RELL2: variants seen among roughly 807,000 people sequenced by gnomAD.
RELL2 encodes the protein RELT-like protein 2.
RELL2 carries 18 observed loss-of-function variants against 27.5 expected under a neutral mutation model. The ratio of observed to expected loss-of-function variants is 0.65; its 90% confidence interval spans 0.45 to 0.97. The LOEUF is 0.97. RELL2 is among the 50% of genes least tolerant of loss of function. The pLI is 0.00. For missense variants in RELL2, 370 were observed against 397.5 expected (o/e 0.93, Z 0.59); for synonymous variants, 156 against 147.5 (o/e 1.06, Z -0.42).
Position 141,640,769 on chromosome 5 carries a change from A to AGCTGG in RELL2, c.*101_*102insCTGGG. On this transcript the variant is annotated 3_prime_UTR_variant, in exon 7 of 7. Transcript: ENST00000297164. ...ACTGGACAGCACTGCCCCCCAGCTGAGGGACCAGCTCTACTTCCACCTGGA... is the reference window on the plus strand; with the variant it reads ...ACTGGACAGCACTGCCCCCCAGCTGAGCTGGGGGACCAGCTCTACTTCCACCTGGA... The AGCTGG allele has an allele frequency of 8.5e-7, 1 of 1,169,904 alleles. No individual in the cohort carries two copies. The highest frequency in any genetic ancestry group is 1.2e-6 in the Non-Finnish European group (1 of 839,858). 72.5% of individuals were successfully genotyped at this position (1,169,904 alleles called of 1,614,324 possible).
Position 141,638,012 on chromosome 5 carries a change from T to G in RELL2, c.-214T>G. The G allele has an allele frequency of 1.9e-6, 1 of 529,052 alleles. No individual in the cohort carries two copies. Among genetic ancestry groups the G allele is most frequent in the South Asian group, 2.5e-5 (1 of 40,370 alleles). 32.8% of individuals were successfully genotyped at this position (529,052 alleles called of 1,614,324 possible). A position where few individuals can be genotyped will look rare whatever the true frequency, so the allele number is the denominator to read the frequency against. On this transcript the variant is annotated 5_prime_UTR_variant, in exon 1 of 7. Coordinates refer to ENST00000297164, the MANE Select transcript of RELL2 (RefSeq NM_173828.5). ...GGGACCAGGGTCGTGGTAGAGAGCT[T>G]GCGTTGCCGCTGACCTCTTGCCGAA...
chr5:141,639,588 C>T lies in RELL2; in HGVS notation c.442C>T (p.Arg148Cys), dbSNP rs139840036. ...GAGGCCTCCACTTGTCCGTCAGGGA[C>T]GCTCCAAGGAAGGAAAAAGCCGCCC... is the stretch of plus-strand genomic sequence containing the variant. ...SKRPPLVRQG[R>C]SKEGKSRPRT... Residue 148 changes from arginine to cysteine, a missense_variant, in exon 4 of 7, where the codon CGC (arginine) becomes TGC (cysteine). Transcript: ENST00000297164. This position sits in a 1 kb window ranked among gnomAD's most constrained non-coding sequence, Gnocchi z 4.4. The T allele has an allele frequency of 9.8e-5, 158 of 1,613,870 alleles. No individual in the cohort carries two copies. The highest frequency in any genetic ancestry group is 1.2e-4 in the Non-Finnish European group (145 of 1,180,014).
chr5:141,640,505 T>G (rs2099906730), intron 6 of RELL2, 60 bp downstream of exon 6: 1 of 1,613,482 alleles, frequency 6.2e-7, no homozygotes, highest in African/African-American at 1.3e-5. Flanking sequence ...ACTTAAACTA[T>G]TTAAGCCTTT....
chr5:141,639,267 A>G lies in RELL2; in HGVS notation c.318-197A>G. 1.6e-6 allele frequency: 1 copy of G among 611,718 alleles called. No individual in the cohort carries two copies. Among genetic ancestry groups the G allele is most frequent in the Non-Finnish European group, 2.8e-6 (1 of 351,778 alleles). The allele number at this position is 611,718 out of a possible 1,614,324, so 37.9% of individuals were successfully genotyped here. ...CTTTGGGTTAAGCAGTGTTCTTTTT[A>G]GCAAACAGCCCTGGGAGGAAGAACA... On this transcript the variant is annotated intron_variant, in intron 3 of 6. Coordinates refer to ENST00000297164, the MANE Select transcript of RELL2 (RefSeq NM_173828.5). The surrounding 1 kb of genome is among the most constrained non-coding windows in gnomAD (Gnocchi z 4.4).
chr5:141,638,459 CCA>C (rs771990770), intron 1 of RELL2, 50 bp downstream of exon 1: 4 of 1,524,910 alleles, frequency 2.6e-6, no homozygotes, highest in Middle Eastern at 2.3e-4. Flanking sequence ...ACCCTTCTCC[CCA>C]CACCTCTGCC....
intron 6 of RELL2, 73 bp from the exon 7 acceptor site, chr5:141,640,598 C>G: frequency 6.5e-7 from 1 of 1,544,064 alleles, no homozygotes; most frequent in South Asian, 1.2e-5. Flanking sequence ...TAGGGAAGGT[C>G]CTGGAGCCCC....
In RELL2 at chr5:141,639,491, C is replaced by A; in HGVS notation, c.345C>A (p.Asp115Glu). ...SSVDATSSLQ[D>E]GAPSHHHTVH... ...TGGATGCCACCTCCAGCCTGCAGGA[C>A]GGAGCCCCCTCCCATCATCACACAG... Residue 115 changes from aspartate to glutamate, a missense_variant, in exon 4 of 7, where the codon GAC becomes GAA. Asp to Glu is a conservative substitution (Grantham distance 45). Transcript: ENST00000297164. The surrounding 1 kb of genome is among the most constrained non-coding windows in gnomAD (Gnocchi z 4.4). 1 of 1,613,634 alleles carries A rather than the reference C, an allele frequency of 6.2e-7. No individual in the cohort carries two copies.
chr5:141,638,383 A>G lies in RELL2; in HGVS notation c.158A>G (p.Glu53Gly). The G allele has an allele frequency of 1.2e-6, 2 of 1,612,502 alleles. No individual in the cohort carries two copies. Among genetic ancestry groups the G allele is most frequent in the Middle Eastern group, 1.7e-4 (1 of 5,928 alleles). ...CGCTGCCGCACGTCGAGGGGCTCTG[A>G]GCCTGACGATGCCCAGCTTCAGCCC... ...GYRCRTSRGSEPDDAQLQPPE... is the reference protein window; with the variant it reads ...GYRCRTSRGSGPDDAQLQPPE... Residue 53 changes from glutamate (E) to glycine (G), a missense_variant, in exon 1 of 7, where the codon GAG becomes GGG. Physicochemically the swap from Glu to Gly is moderately conservative, Grantham distance 98 (BLOSUM62 -2). Transcript: ENST00000297164.
chr5:141,638,702 A>G (rs1456579822), intron 1 of RELL2, 93 bp from the exon 2 acceptor site: 3 of 1,080,384 alleles, frequency 2.8e-6, no homozygotes, highest in African/African-American at 1.5e-5. Context: ...GTAAAAGGGT[A>G]TGTCCTAAGC....
At chr5:141,638,500 C>T (rs1437418278) in intron 1 of RELL2, 91 bp downstream of exon 1, 1 of 1,224,690 alleles carries the variant, frequency 8.2e-7, no homozygotes, top group African/African-American at 1.5e-5. Flanking sequence ...AGGCCAAATC[C>T]TGATCAAACC....
In RELL2 at chr5:141,639,555, C is replaced by T. The variant is rs761252999; in HGVS notation, c.409C>T (p.Arg137Cys). 1.5e-5 allele frequency: 24 copies of T among 1,613,846 alleles called. No individual in the cohort carries two copies. In the Admixed American group the frequency reaches 3.0e-4, roughly 20 times the overall value. ...GSAAPCLHCS[R>C]SKRPPLVRQG... ...TGCAGCCCCTTGCCTCCATTGCAGC[C>T]GCAGCAAGAGGCCTCCACTTGTCCG... The change falls in exon 4 of 7, where the codon CGC (arginine) becomes TGC (cysteine). Residue 137 changes from arginine (R) to cysteine (C), a missense_variant. Transcript: ENST00000297164. The surrounding 1 kb of genome is among the most constrained non-coding windows in gnomAD (Gnocchi z 4.4).
At position 141,637,315 on chromosome 5, in the gene RELL2, G is replaced by A. The variant is rs2099906189; in HGVS notation, c.-911G>A. ...GGACAACACCCACGCCGGACCGCCT[G>A]TCCCCTACCCGGACCCAGACTCGGC... On this transcript the variant is annotated 5_prime_UTR_variant, in exon 1 of 7. Coordinates refer to ENST00000297164, the MANE Select transcript of RELL2 (RefSeq NM_173828.5). The A allele has an allele frequency of 6.5e-6, 1 of 152,996 alleles. No homozygotes were observed. The highest frequency in any genetic ancestry group is 2.4e-5 in the African/African-American group (1 of 41,496). The allele number at this position is 152,996 out of a possible 1,614,324, so 9.5% of individuals were successfully genotyped here.
chr5:141,639,596 G>T lies in RELL2; in HGVS notation c.450G>T (p.Lys150Asn), dbSNP rs201219952. ...CACTTGTCCGTCAGGGACGCTCCAA[G>T]GAAGGAAAAAGCCGCCCCCGGACAG... ...RPPLVRQGRS[K>N]EGKSRPRTGE... The change falls in exon 4 of 7, where the codon AAG becomes AAT. Residue 150 changes from lysine to asparagine, a missense_variant. By Grantham distance (94) the Lys-to-Asn change is moderately conservative (BLOSUM62 0). Coordinates refer to ENST00000297164, the MANE Select transcript of RELL2 (RefSeq NM_173828.5). This position sits in a 1 kb window ranked among gnomAD's most constrained non-coding sequence, Gnocchi z 4.4. 1.3e-4 allele frequency: 204 copies of T among 1,613,762 alleles called. No homozygotes were observed. The highest frequency in any genetic ancestry group is 1.6e-4 in the Non-Finnish European group (189 of 1,179,992).
At position 141,638,020 on chromosome 5, in the gene RELL2, C is replaced by G; in HGVS notation, c.-206C>G. ...GGTCGTGGTAGAGAGCTTGCGTTGC[C>G]GCTGACCTCTTGCCGAAAGGCGAAA... On this transcript the variant is annotated 5_prime_UTR_variant, in exon 1 of 7. Coordinates refer to ENST00000297164, the MANE Select transcript of RELL2 (RefSeq NM_173828.5). The G allele has an allele frequency of 1.8e-6, 1 of 543,086 alleles. No homozygotes were observed. 33.6% of individuals were successfully genotyped at this position (543,086 alleles called of 1,614,324 possible).
rs957750689 is a variant in RELL2, at chr5:141,637,417, CT to C, written c.-808del. 9.8e-5 allele frequency: 15 copies of C among 152,510 alleles called. No homozygotes were observed. Among genetic ancestry groups the C allele is most frequent in the African/African-American group, 3.4e-4 (14 of 41,590 alleles). 9.4% of individuals were successfully genotyped at this position (152,510 alleles called of 1,614,324 possible). A position where few individuals can be genotyped will look rare whatever the true frequency, so the allele number is the denominator to read the frequency against. On this transcript the variant is annotated 5_prime_UTR_variant, in exon 1 of 7. Coordinates refer to ENST00000297164, the MANE Select transcript of RELL2 (RefSeq NM_173828.5). ...ACGCTCTCCGCCCCGCACACCTGCG[CT>C]CCGCCCCCTGGTCCTGGGCCCGCGA...
In RELL2 at chr5:141,640,072, T is replaced by C; in HGVS notation, c.656T>C (p.Met219Thr). The change falls in exon 5 of 7, where the codon ATG (methionine) becomes ACG (threonine). Residue 219 changes from methionine to threonine, a missense_variant. Transcript: ENST00000297164. ...GGQPKAGMPA[M>T]ERLPPERPQP... ...CAGCCCAAGGCAGGGATGCCTGCCA[T>C]GGAGAGGCTGCCCCCTGAGAGGCCA... 1 of 1,613,518 alleles carries C rather than the reference T, an allele frequency of 6.2e-7. No homozygotes were observed. Among genetic ancestry groups the C allele is most frequent in the Non-Finnish European group, 8.5e-7 (1 of 1,179,770 alleles).
At position 141,638,258 on chromosome 5, in the gene RELL2, C is replaced by T; in HGVS notation, c.33C>T (p.Pro11=). 1 of 1,613,862 alleles carries T rather than the reference C, an allele frequency of 6.2e-7. No individual in the cohort carries two copies. Among genetic ancestry groups the T allele is most frequent in the Non-Finnish European group, 8.5e-7 (1 of 1,179,904 alleles). ...AACCACAGCCTGACCTGGAACCGCC[C>T]CAACATGGGCTATATATGCTCTTCC... The part of the protein sequence containing the change: MSEPQPDLEP[P]QHGLYMLFLL... Residue 11 remains proline, a synonymous_variant, in exon 1 of 7, where the codon CCC becomes CCT. Coordinates refer to ENST00000297164, the MANE Select transcript of RELL2 (RefSeq NM_173828.5).
chr5:141,639,991 G>T lies in RELL2; in HGVS notation c.575G>T (p.Ser192Ile). 1 of 1,613,784 alleles carries T rather than the reference G, an allele frequency of 6.2e-7. No homozygotes were observed. Among genetic ancestry groups the T allele is most frequent in the Non-Finnish European group, 8.5e-7 (1 of 1,179,852 alleles). Residue 192 changes from serine to isoleucine, a missense_variant, in exon 5 of 7, where the codon AGC (serine) becomes ATC (isoleucine). By Grantham distance (142) the Ser-to-Ile change is moderately radical (BLOSUM62 -2). Transcript: ENST00000297164. This position sits in a 1 kb window ranked among gnomAD's most constrained non-coding sequence, Gnocchi z 4.4. ...CGTGATGGCTCCCCCACAGACAGGAGCTGGGGCTCTGGTGGGGGACAGGAC... is the reference window on the plus strand; with the variant it reads ...CGTGATGGCTCCCCCACAGACAGGATCTGGGGCTCTGGTGGGGGACAGGAC... ...EHRDGSPTDRSWGSGGGQDPG... is the reference protein window; with the variant it reads ...EHRDGSPTDRIWGSGGGQDPG...
rs541351067 is a variant in RELL2 at position 141,637,961 on chromosome 5, G to A, written c.-265G>A. 7.1e-6 allele frequency: 3 copies of A among 420,598 alleles called. No homozygotes were observed. The highest frequency in any genetic ancestry group is 4.0e-5 in the African/African-American group (2 of 50,098). 26.1% of individuals were successfully genotyped at this position (420,598 alleles called of 1,614,324 possible). A position where few individuals can be genotyped will look rare whatever the true frequency, so the allele number is the denominator to read the frequency against. On this transcript the variant is annotated 5_prime_UTR_variant, in exon 1 of 7. Coordinates refer to ENST00000297164, the MANE Select transcript of RELL2 (RefSeq NM_173828.5). ...ACAGAAGCGCGAACAAGCTGGAAAG[G>A]GGAACGCTCGGGGCGTCGGGGAAGC...
Sources: gnomAD v4.1 joint callset for allele counts on GRCh38, gnomAD v4.1.1 for gene constraint, Gnocchi (gnomAD v3.1) non-coding constraint, MANE v1.5 for transcripts, NCBI Gene and HGNC (gene_info 2026-07-23, HGNC 2026-07-21) for gene names.